Variants in ABCA13 observed in about 807,000 individuals in gnomAD.
ABCA13 encodes the protein ATP-binding cassette sub-family A member 13.
A neutral mutation model predicts 478.7 loss-of-function variants in ABCA13; 476 were observed. The observed-to-expected ratio is 0.99, with a 90% CI of 0.92 to 1.07. ABCA13 has a LOEUF of 1.07. Among genes scored for constraint, ABCA13 ranks in the 50% least tolerant of loss-of-function variants. The pLI is 0.00. For synonymous variants in ABCA13, 2,252 were observed against 2,158.9 expected (o/e 1.04, Z -1.20); for missense variants, 6,060 against 5,910.6 (o/e 1.03, Z -0.83).
intron 55 of ABCA13, among the ~76,000 whole-genome samples, chr7:48,549,076 C>A (rs1476332792): frequency 6.6e-6 from 1 of 151,584 alleles, no homozygotes; most frequent in African/African-American, 2.4e-5. Context: ...CTTTAAGTTC[C>A]AGGATACAAG....
chr7:48,268,924 A>G (rs1795232006), intron 15 of ABCA13, 56 bp from the exon 16 acceptor site: 1 of 727,914 alleles, frequency 1.4e-6, no homozygotes, highest in Non-Finnish European at 2.2e-6. Flanking sequence ...TCACTTTATT[A>G]GATTTGTCTG....
intron 55 of ABCA13, among the ~76,000 whole-genome samples, chr7:48,576,141 A>G (rs1167081598): frequency 1.3e-5 from 2 of 152,208 alleles, no homozygotes; most frequent in Non-Finnish European, 2.9e-5. Flanking sequence ...AGTATTTTAT[A>G]TAAAGGACTT....
chr7:48,299,539 C>G (rs1394319231), intron 23 of ABCA13, among the ~76,000 whole-genome samples: 1 of 152,050 alleles, frequency 6.6e-6, no homozygotes, highest in Non-Finnish European at 1.5e-5. Context: ...TCGCATGATG[C>G]CTTATAGAGA....
chr7:48,225,139 T>G (rs138429694), intron 5 of ABCA13, among the ~76,000 whole-genome samples: 3,293 of 65,354 alleles, frequency 0.05, 45 homozygotes, highest in East Asian at 0.13. Context: ...CTGCCTGCCT[T>G]CCTTCCTTCC....
intron 3 of ABCA13, among the ~76,000 whole-genome samples, chr7:48,212,966 G>A (rs1023472150): frequency 6.6e-6 from 1 of 151,862 alleles, no homozygotes; most frequent in African/African-American, 2.4e-5. Flanking sequence ...AGTGCTTTTT[G>A]TGTTTTTCTT....
chr7:48,193,589 AGAT>A (rs762269223), intron 2 of ABCA13, among the ~76,000 whole-genome samples: 191 of 147,872 alleles, frequency 1.3e-3, no homozygotes, highest in African/African-American at 3.2e-3. Flanking sequence ...ATAGTAATGA[AGAT>A]GATGATGATG....
chr7:48,216,620 G>A (rs1316120246), intron 3 of ABCA13, among the ~76,000 whole-genome samples: 4 of 151,576 alleles, frequency 2.6e-5, no homozygotes, highest in Non-Finnish European at 5.9e-5. Context: ...TTTTTCTTTT[G>A]TTGTTTGTGC....
At chr7:48,177,892 A>G (rs36128269) in intron 1 of ABCA13, among the ~76,000 whole-genome samples, 59,606 of 152,118 alleles carry the variant, frequency 0.39, 13,307 homozygotes, top group Non-Finnish European at 0.51. Context: ...GACTCGCCTT[A>G]GGCTGAACCC....
chr7:48,312,013 ATG>A (rs1801852166), intron 24 of ABCA13, among the ~76,000 whole-genome samples: 1 of 152,194 alleles, frequency 6.6e-6, no homozygotes, highest in South Asian at 2.1e-4. Context: ...AATTAGAAAG[ATG>A]AGTAGAAGAA....
chr7:48,244,972 A>G (rs1791447604), intron 11 of ABCA13, among the ~76,000 whole-genome samples: 1 of 152,134 alleles, frequency 6.6e-6, no homozygotes. Flanking sequence ...CAGTGTCCTA[A>G]GGCTGGGTTG....
intron 21 of ABCA13, among the ~76,000 whole-genome samples, chr7:48,296,921 C>T (rs931281675): frequency 2.0e-5 from 3 of 152,164 alleles, no homozygotes; most frequent in Admixed American, 6.5e-5. Context: ...ATTTCTCGTA[C>T]GTTCCATGAT....
chr7:48,632,512 C>T (rs1470950576), intron 59 of ABCA13, among the ~76,000 whole-genome samples: 2 of 151,958 alleles, frequency 1.3e-5, no homozygotes, highest in Non-Finnish European at 2.9e-5. Context: ...GAAGATTTAC[C>T]CCCAGATTTT....
chr7:48,595,880 G>GAACACA (rs1563483976), intron 58 of ABCA13, among the ~76,000 whole-genome samples: 3 of 152,266 alleles, frequency 2.0e-5, no homozygotes, highest in Non-Finnish European at 2.9e-5. Flanking sequence ...AGACACGTAG[G>GAACACA]AACACAAGGG....
intron 42 of ABCA13, among the ~76,000 whole-genome samples, chr7:48,428,449 C>A (rs527509569): frequency 6.6e-6 from 1 of 152,254 alleles, no homozygotes; most frequent in East Asian, 1.9e-4. Context: ...TTATTAGCAG[C>A]AACTCAGCAA....
chr7:48,376,856 C>A (rs192933322), intron 35 of ABCA13, among the ~76,000 whole-genome samples: 9 of 152,008 alleles, frequency 5.9e-5, no homozygotes, highest in Admixed American at 1.3e-4. Context: ...TCAGTCTACA[C>A]AGAAAATATC....
At chr7:48,431,772 T>C (rs1822181299) in intron 42 of ABCA13, among the ~76,000 whole-genome samples, 2 of 152,356 alleles carry the variant, frequency 1.3e-5, no homozygotes, top group South Asian at 4.1e-4. Context: ...GTATTCTTCC[T>C]GGTCTTTTTA....
chr7:48,462,507 AT>A (rs1369255855), intron 43 of ABCA13, among the ~76,000 whole-genome samples: 2 of 150,794 alleles, frequency 1.3e-5, no homozygotes, highest in Admixed American at 1.3e-4. Flanking sequence ...GTTCAGGGTA[AT>A]TTTTTTGGGG....
At chr7:48,212,370 T>C (rs758144210) in intron 3 of ABCA13, among the ~76,000 whole-genome samples, 1 of 152,244 alleles carries the variant, frequency 6.6e-6, no homozygotes, top group African/African-American at 2.4e-5. Flanking sequence ...CTTCAGTGCC[T>C]CTTTCCATCT....
At chr7:48,637,652 C>T (rs951948604) in intron 59 of ABCA13, among the ~76,000 whole-genome samples, 2 of 152,022 alleles carry the variant, frequency 1.3e-5, no homozygotes, top group African/African-American at 4.8e-5. Context: ...AACGCTCTAT[C>T]ATGTTTGTTT....
Sources: gnomAD v4.1 joint callset for allele counts (sites outside exome capture counted in the v4.1 genomes callset) on GRCh38, gnomAD v4.1.1 for gene constraint, MANE v1.5 for transcripts, NCBI Gene and HGNC (gene_info 2026-07-23, HGNC 2026-07-21) for gene names.